Variants in USP34 observed in about 807,000 individuals in gnomAD.
USP34 encodes ubiquitin specific peptidase 34.
USP34 carries 70 observed loss-of-function variants against 460.3 expected under a neutral mutation model. The ratio of observed to expected loss-of-function variants is 0.15; its 90% CI spans 0.13 to 0.19. The LOEUF is 0.19. USP34 is among the 10% of genes least tolerant of loss of function. The pLI is 1.00. For missense variants in USP34, 3,985 were observed against 4,236.2 expected (o/e 0.94, Z 1.65); for synonymous variants, 1,647 against 1,405.3 (o/e 1.17, Z -3.85).
At chr2:61,284,371 C>T (rs1418307224) in intron 35 of USP34, among the ~76,000 whole-genome samples, 1 of 152,052 alleles carries the variant, frequency 6.6e-6, no homozygotes, top group Non-Finnish European at 1.5e-5. Context: ...GAAAATGTAT[C>T]ATGAGAGAAA....
At chr2:61,405,232 C>CAAAAAA (rs199659618) in intron 3 of USP34, among the ~76,000 whole-genome samples, 7 of 78,054 alleles carry the variant, frequency 9.0e-5, no homozygotes, top group Admixed American at 3.8e-4. Flanking sequence ...GACTCCATCT[C>CAAAAAA]AAAAAAAAAA....
At chr2:61,390,627 A>C (rs1418132077) in intron 5 of USP34, among the ~76,000 whole-genome samples, 1 of 152,246 alleles carries the variant, frequency 6.6e-6, no homozygotes, top group Non-Finnish European at 1.5e-5. Flanking sequence ...AGTTCTAGTT[A>C]AGAATCTGCT....
intron 15 of USP34, among the ~76,000 whole-genome samples, chr2:61,344,533 G>T (rs1005816579): frequency 6.6e-6 from 1 of 152,058 alleles, no homozygotes; most frequent in Non-Finnish European, 1.5e-5. Flanking sequence ...TTAAAAAATC[G>T]AAAAATAACA....
At position 61,254,951 on chromosome 2, in the gene USP34, T is replaced by A. The variant is rs1169172471; in HGVS notation, c.6221+1433A>T. ...TAAGCTACCTCCCAGCCTCAAGTGA[T>A]CCTCCCGATTCAGCCTCCCGAACAG... On this transcript the variant is annotated intron_variant, in intron 48 of 79. Transcript: ENST00000398571. Among the ~76,000 whole-genome samples, 3 of 152,260 alleles carry A rather than the reference T, an allele frequency of 2.0e-5. No homozygotes were observed. The East Asian group carries it at 5.8e-4, about 29-fold the overall frequency.
chr2:61,302,317 T>C (rs1690254126), intron 27 of USP34, among the ~76,000 whole-genome samples: 1 of 152,198 alleles, frequency 6.6e-6, no homozygotes, highest in Non-Finnish European at 1.5e-5. Flanking sequence ...ACACATAACA[T>C]TTTAAAATTA....
At position 61,420,739 on chromosome 2, in the gene USP34, T is replaced by C; in HGVS notation, c.131+7A>G. On this transcript the variant is annotated splice_region_variant and intron_variant, in intron 2 of 79. Coordinates refer to ENST00000398571, the MANE Select transcript of USP34 (RefSeq NM_014709.4). ...AATTAGTCTTCGAAATACCTAAAGATGCATACCTCTGTGTCCAGGAATTGA... is the reference window on the plus strand; with the variant it reads ...AATTAGTCTTCGAAATACCTAAAGACGCATACCTCTGTGTCCAGGAATTGA... The C allele has an allele frequency of 6.3e-7, 1 of 1,590,074 alleles. No homozygotes were observed. The highest frequency in any genetic ancestry group is 8.5e-7 in the Non-Finnish European group (1 of 1,170,072).
Position 61,461,342 on chromosome 2 carries a change from G to A in USP34, c.43+9308C>T, listed in dbSNP as rs557446525. 6.0e-5 allele frequency among the ~76,000 whole-genome samples: 9 copies of A among 150,992 alleles called. No individual in the cohort carries two copies. The South Asian group carries it at 1.0e-3, about 18-fold the overall frequency. ...TGGGAGGCAGAGGTTGCAGTGAGCC[G>A]AGATGGCACCATTGCACTCCACCCT... On this transcript the variant is annotated intron_variant, in intron 1 of 79. Transcript: ENST00000398571.
intron 67 of USP34, among the ~76,000 whole-genome samples, chr2:61,216,918 A>C (rs943917792): frequency 2.6e-5 from 4 of 151,134 alleles, no homozygotes; most frequent in Admixed American, 6.6e-5. Context: ...ACTCCATCTC[A>C]AAAAGAAAAA....
intron 2 of USP34, among the ~76,000 whole-genome samples, chr2:61,413,944 A>T (rs986597766): frequency 1.5e-4 from 23 of 149,200 alleles, no homozygotes; most frequent in African/African-American, 5.5e-4. Context: ...AAATTAAAAA[A>T]ATTAAAAAAA....
chr2:61,441,031 G>A (rs562991322), intron 1 of USP34, among the ~76,000 whole-genome samples: 1 of 151,830 alleles, frequency 6.6e-6, no homozygotes, highest in East Asian at 2.0e-4. Context: ...GGGAGGCTGA[G>A]GCAGGAGAAT....
At chr2:61,419,939 A>C (rs1161220915) in intron 2 of USP34, among the ~76,000 whole-genome samples, 1 of 152,230 alleles carries the variant, frequency 6.6e-6, no homozygotes, top group Non-Finnish European at 1.5e-5. Flanking sequence ...AAATCTACAA[A>C]GTCTTTTGCA....
intron 1 of USP34, among the ~76,000 whole-genome samples, chr2:61,429,202 C>T (rs1694594078): frequency 6.6e-6 from 1 of 152,050 alleles, no homozygotes; most frequent in Non-Finnish European, 1.5e-5. Context: ...AATCCCAGCA[C>T]TTTGGGAGGC....
chr2:61,222,715 G>C, intron 64 of USP34, 52 bp from the exon 65 acceptor site: 6 of 1,557,782 alleles, frequency 3.9e-6, no homozygotes, highest in Non-Finnish European at 4.4e-6. Flanking sequence ...TTTTGTTTTT[G>C]AGACAGGGTT....
Position 61,453,558 on chromosome 2 carries a change from A to G in USP34, c.43+17092T>C, listed in dbSNP as rs1695345817. On this transcript the variant is annotated intron_variant, in intron 1 of 79. Coordinates refer to ENST00000398571, the MANE Select transcript of USP34 (RefSeq NM_014709.4). ...AACCCCATCTCTACTAAAAATACAA[A>G]AATTAGCCAGGCATGGTGGTGCGTG... Among the ~76,000 whole-genome samples, 3 of 151,776 alleles carry G rather than the reference A, an allele frequency of 2.0e-5. No individual in the cohort carries two copies. The South Asian group carries it at 6.3e-4, about 32-fold the overall frequency.
At chr2:61,231,009 T>C (rs368777662) in intron 58 of USP34, among the ~76,000 whole-genome samples, 3 of 152,150 alleles carry the variant, frequency 2.0e-5, no homozygotes, top group Admixed American at 6.5e-5. Context: ...ATTCAGCTGA[T>C]GAACAGGTAA....
chr2:61,195,719 G>A (rs1402267786), intron 75 of USP34, among the ~76,000 whole-genome samples: 6 of 152,032 alleles, frequency 3.9e-5, no homozygotes, highest in Non-Finnish European at 8.8e-5. Flanking sequence ...GTATGTTACA[G>A]AGACCTTGTG....
At chr2:61,336,436 C>G (rs1691418467) in intron 18 of USP34, among the ~76,000 whole-genome samples, 2 of 151,132 alleles carry the variant, frequency 1.3e-5, no homozygotes, top group Non-Finnish European at 2.9e-5. Context: ...CCTTTTGGAT[C>G]TTTTTAATTT....
intron 23 of USP34, among the ~76,000 whole-genome samples, chr2:61,316,075 A>T: frequency 6.6e-6 from 1 of 151,418 alleles, no homozygotes; most frequent in Non-Finnish European, 1.5e-5. Context: ...CCAGGCAGGC[A>T]TGCGCCTATA....
intron 49 of USP34, among the ~76,000 whole-genome samples, chr2:61,247,238 T>A (rs979043761): frequency 6.6e-6 from 1 of 152,182 alleles, no homozygotes; most frequent in South Asian, 2.1e-4. Flanking sequence ...AAGGGAAAAG[T>A]AGAATACAGA....
Sources: gnomAD v4.1 joint callset for allele counts (sites outside exome capture counted in the v4.1 genomes callset) on GRCh38, gnomAD v4.1.1 for gene constraint, MANE v1.5 for transcripts, NCBI Gene and HGNC (gene_info 2026-07-23, HGNC 2026-07-21) for gene names.